Variants in EVA1A observed in about 807,000 individuals in gnomAD.
EVA1A encodes eva-1 homolog A, regulator of programmed cell death.
In EVA1A, 7 loss-of-function variants were observed where a neutral mutation model predicts 9.8. That is an observed-to-expected ratio of 0.71 (90% CI 0.41 to 1.34). The LOEUF is 1.34. Ranked by LOEUF, EVA1A falls within the 40% of genes most tolerant of loss-of-function variation. EVA1A has a pLI of 0.01. For missense variants in EVA1A, 206 were observed against 205.9 expected (o/e 1.00, Z 0.00); for synonymous variants, 90 against 85.6 (o/e 1.05, Z -0.28).
chr2:75,557,444 C>T (rs80279551), intron 1 of EVA1A, among the ~76,000 whole-genome samples: 3,195 of 152,292 alleles, frequency 0.021, 110 homozygotes, highest in African/African-American at 0.073. Flanking sequence ...ATAAATGAGC[C>T]TTACAATACA....
chr2:75,514,360 G>A (rs1453056982), intron 3 of EVA1A, among the ~76,000 whole-genome samples: 1 of 152,168 alleles, frequency 6.6e-6, no homozygotes, highest in African/African-American at 2.4e-5. Context: ...CTAGGCTGGA[G>A]TGAATTTGAA....
At chr2:75,521,797 A>G (rs1675239220) in intron 2 of EVA1A, among the ~76,000 whole-genome samples, 1 of 152,194 alleles carries the variant, frequency 6.6e-6, no homozygotes, top group Non-Finnish European at 1.5e-5. Flanking sequence ...TGAACTATAC[A>G]CTTAAAAGTA....
chr2:75,540,616 G>A (rs1418758900), intron 1 of EVA1A: 1 of 152,172 alleles, frequency 6.6e-6, no homozygotes, highest in East Asian at 1.9e-4. Context: ...GTTTGGCTGG[G>A]CATGGTTTTA....
At chr2:75,517,801 T>C (rs1425547961) in intron 3 of EVA1A, 4 of 720,102 alleles carry the variant, frequency 5.6e-6, no homozygotes, top group African/African-American at 5.2e-5. Context: ...CTGGGCCACT[T>C]CAATCACTCA....
In EVA1A at chr2:75,496,199, G is replaced by T. The variant is rs184570992; in HGVS notation, c.86-2590C>A. Among the ~76,000 whole-genome samples, 306 of 151,680 alleles carry T rather than the reference G, an allele frequency of 2.0e-3. 2 individuals carry two copies. Among genetic ancestry groups the T allele is most frequent in the Non-Finnish European group, 3.2e-3 (218 of 67,868 alleles). The stretch of plus-strand genomic sequence containing the variant: ...ATCTAGCTAGAGCAATTAGGCAAGA[G>T]AAAAAAAACAAAAGGCATCCACATA... On this transcript the variant is annotated intron_variant, in intron 3 of 3. Transcript: ENST00000393913.
chr2:75,494,295 A>T (rs1032139463), intron 3 of EVA1A, among the ~76,000 whole-genome samples: 1 of 152,230 alleles, frequency 6.6e-6, no homozygotes, highest in Non-Finnish European at 1.5e-5. Context: ...GGTCATCTGC[A>T]GAACTTAAGT....
At chr2:75,567,649 T>G (rs1012920834) in intron 1 of EVA1A, among the ~76,000 whole-genome samples, 1 of 152,226 alleles carries the variant, frequency 6.6e-6, no homozygotes, top group African/African-American at 2.4e-5. Context: ...CATTCTTCCA[T>G]TCATAGATTT....
At chr2:75,557,630 C>T (rs1334050407) in intron 1 of EVA1A, among the ~76,000 whole-genome samples, 1 of 152,162 alleles carries the variant, frequency 6.6e-6, no homozygotes, top group African/African-American at 2.4e-5. Context: ...AGTTTTCGAC[C>T]CCAAGTCTGC....
At chr2:75,556,074 T>A (rs1329698223) in intron 1 of EVA1A, among the ~76,000 whole-genome samples, 3 of 152,222 alleles carry the variant, frequency 2.0e-5, no homozygotes. Flanking sequence ...ATCTTAATGG[T>A]ACAAACCAGG....
At chr2:75,544,349 G>A (rs1676250226) in intron 1 of EVA1A, among the ~76,000 whole-genome samples, 2 of 152,184 alleles carry the variant, frequency 1.3e-5, no homozygotes, top group South Asian at 4.1e-4. Context: ...ACGGTAATAT[G>A]TGACCACATA....
At chr2:75,512,972 A>G (rs1230184704) in intron 3 of EVA1A, among the ~76,000 whole-genome samples, 2 of 152,194 alleles carry the variant, frequency 1.3e-5, no homozygotes, top group Non-Finnish European at 2.9e-5. Flanking sequence ...GCAGCTAGAA[A>G]TGACCATGTG....
chr2:75,552,988 C>T (rs1340671965), intron 1 of EVA1A, among the ~76,000 whole-genome samples: 1 of 152,240 alleles, frequency 6.6e-6, no homozygotes, highest in Non-Finnish European at 1.5e-5. Context: ...TAGCTCCCCA[C>T]TATCTTCAAA....
intron 3 of EVA1A, among the ~76,000 whole-genome samples, chr2:75,508,665 G>A (rs533879047): frequency 2.0e-5 from 3 of 152,060 alleles, no homozygotes; most frequent in South Asian, 4.2e-4. Context: ...AGTACTTGAT[G>A]TCTGTGACCC....
intron 1 of EVA1A, among the ~76,000 whole-genome samples, chr2:75,533,183 A>G (rs1236450223): frequency 1.3e-5 from 2 of 151,950 alleles, no homozygotes; most frequent in East Asian, 3.9e-4. Context: ...AGAAGAAAAA[A>G]GAAAGAAAAA....
intron 3 of EVA1A, among the ~76,000 whole-genome samples, chr2:75,510,179 C>T (rs1225928668): frequency 5.3e-5 from 8 of 152,038 alleles, no homozygotes; most frequent in Non-Finnish European, 1.5e-5. Context: ...CTTGGTTACA[C>T]AAGTGTATTT....
At chr2:75,510,900 C>A (rs1674789209) in intron 3 of EVA1A, among the ~76,000 whole-genome samples, 1 of 152,146 alleles carries the variant, frequency 6.6e-6, no homozygotes, top group South Asian at 2.1e-4. Flanking sequence ...CCAAGTCTGC[C>A]CAGCCATATG....
chr2:75,508,337 G>T (rs574973095), intron 3 of EVA1A, among the ~76,000 whole-genome samples: 2 of 152,096 alleles, frequency 1.3e-5, no homozygotes, highest in Admixed American at 6.6e-5. Context: ...GAGAAATATC[G>T]CTGAATTCTT....
intron 1 of EVA1A, among the ~76,000 whole-genome samples, chr2:75,536,092 T>C (rs892654188): frequency 6.6e-6 from 1 of 152,088 alleles, no homozygotes. Flanking sequence ...TGGTACATGG[T>C]TTTTTATAGC....
intron 1 of EVA1A, among the ~76,000 whole-genome samples, chr2:75,535,295 CA>C (rs3081156): frequency 0.019 from 1,730 of 92,496 alleles, 22 homozygotes; most frequent in African/African-American, 0.029. Flanking sequence ...ATAGATATGG[CA>C]AAAAAAAAAA....
Sources: gnomAD v4.1 joint callset for allele counts (sites outside exome capture counted in the v4.1 genomes callset) on GRCh38, gnomAD v4.1.1 for gene constraint, MANE v1.5 for transcripts, NCBI Gene and HGNC (gene_info 2026-07-23, HGNC 2026-07-21) for gene names.